Variants in ARHGEF5 observed in about 807,000 individuals in gnomAD.
ARHGEF5 encodes Rho guanine nucleotide exchange factor 5.
Under a neutral mutation model 104.0 loss-of-function variants are expected in ARHGEF5, and 11 were observed. That is an observed-to-expected ratio of 0.11 (90% CI 0.07 to 0.18). ARHGEF5 has a LOEUF of 0.18. Ranked by LOEUF, ARHGEF5 falls within the 10% of genes least tolerant of loss-of-function variation. ARHGEF5 has a pLI of 1.00. For synonymous variants in ARHGEF5, 60 were observed against 512.2 expected, an observed-to-expected ratio of 0.12 and a Z score of 11.92; for missense variants, 165 against 1,335.4, an observed-to-expected ratio of 0.12 and a Z score of 13.66.
In ARHGEF5 at chr7:144,360,271, C is replaced by T. The variant is rs1247568625; in HGVS notation, c.-12-2387C>T. Reference sequence around the variant, plus strand: ...AACTACAGGCACGTGCCACCATGCTCCACTAATTTTTGTATTTTTTGTGGA... The same window carrying T: ...AACTACAGGCACGTGCCACCATGCTTCACTAATTTTTGTATTTTTTGTGGA... On this transcript the variant is annotated intron_variant, in intron 1 of 14. Transcript: ENST00000056217. Among the ~76,000 whole-genome samples the T allele has an allele frequency of 1.7e-5, 2 of 115,696 alleles. 1 individual carries two copies. The highest frequency in any genetic ancestry group is 3.7e-5 in the Non-Finnish European group (2 of 54,654). 75.9% of individuals were successfully genotyped at this position (115,696 alleles called of 152,430 possible). A position where few individuals can be genotyped will look rare whatever the true frequency, so the allele number is the denominator to read the frequency against.
At chr7:144,358,921 C>T (rs1334869086) in intron 1 of ARHGEF5, among the ~76,000 whole-genome samples, 2 of 81,676 alleles carry the variant, frequency 2.4e-5, no homozygotes, top group Non-Finnish European at 4.7e-5. Context: ...ATTCTGGGGT[C>T]TTCTCTGGAC....
chr7:144,377,479 G>T (rs1394912326), intron 13 of ARHGEF5, among the ~76,000 whole-genome samples: 2 of 152,004 alleles, frequency 1.3e-5, no homozygotes, highest in African/African-American at 4.8e-5. Flanking sequence ...ATTTTGCCTA[G>T]ATTTTACCTG....
intron 12 of ARHGEF5, 106 bp from the exon 13 acceptor site, chr7:144,377,014 G>T (rs1170412964): frequency 1.8e-6 from 1 of 558,558 alleles, no homozygotes; most frequent in Non-Finnish European, 3.1e-6. Flanking sequence ...TTTGATAGAA[G>T]TCATGGAACT....
intron 6 of ARHGEF5, 126 bp downstream of exon 6, chr7:144,371,447 CT>C: frequency 2.7e-6 from 2 of 739,502 alleles, no homozygotes; most frequent in Non-Finnish European, 4.2e-6. Flanking sequence ...GAAATTGGGC[CT>C]CAGTTTCTTC....
intron 14 of ARHGEF5, 128 bp downstream of exon 14, chr7:144,378,994 A>T: frequency 1.1e-6 from 1 of 882,148 alleles, no homozygotes; most frequent in Non-Finnish European, 1.8e-6. Context: ...ACAGAAATGC[A>T]TTCTCTCACA....
chr7:144,380,135 G>A lies in ARHGEF5; in HGVS notation c.*79G>A. On this transcript the variant is annotated 3_prime_UTR_variant, in exon 15 of 15. Transcript: ENST00000056217. ...GCTGGCCCCAGAACCCTGCAAGAGA[G>A]GCCTTCTGTGGATGGAGAACTAGGC... 1 of 1,556,244 alleles carries A rather than the reference G, an allele frequency of 6.4e-7. No individual in the cohort carries two copies. Among genetic ancestry groups the A allele is most frequent in the Non-Finnish European group, 8.8e-7 (1 of 1,138,292 alleles).
chr7:144,377,292 A>C, intron 13 of ARHGEF5, 102 bp downstream of exon 13: 1 of 1,549,084 alleles, frequency 6.5e-7, no homozygotes, highest in East Asian at 2.3e-5. Flanking sequence ...GCTTTCATTT[A>C]TTGATATTCC....
intron 1 of ARHGEF5, among the ~76,000 whole-genome samples, chr7:144,360,224 C>G (rs1379697539): frequency 8.4e-6 from 1 of 119,516 alleles, no homozygotes; most frequent in African/African-American, 3.2e-5. Flanking sequence ...CCCTCTCCTG[C>G]CTCAGCCTCC....
Position 144,380,158 on chromosome 7 carries a change from G to T in ARHGEF5, c.*102G>T. ...GAGGCCTTCTGTGGATGGAGAACTA[G>T]GCCTTCTCAAAGCTCAAGGACAAAA... On this transcript the variant is annotated 3_prime_UTR_variant, in exon 15 of 15. Transcript: ENST00000056217. The T allele has an allele frequency of 6.9e-7, 1 of 1,458,912 alleles. No individual in the cohort carries two copies. The highest frequency in any genetic ancestry group is 9.4e-7 in the Non-Finnish European group (1 of 1,067,206). 90.4% of individuals were successfully genotyped at this position (1,458,912 alleles called of 1,614,324 possible).
intron 1 of ARHGEF5, among the ~76,000 whole-genome samples, chr7:144,357,821 GT>G (rs1404921053): frequency 7.8e-5 from 11 of 141,630 alleles, no homozygotes. Context: ...CGTGGGTGAG[GT>G]TATGTGGATG....
chr7:144,377,910 A>C (rs966193487), intron 13 of ARHGEF5, among the ~76,000 whole-genome samples: 67 of 152,284 alleles, frequency 4.4e-4, no homozygotes, highest in African/African-American at 1.5e-3. Context: ...GTGGGTGAGG[A>C]GGGCAGGAGC....
intron 14 of ARHGEF5, among the ~76,000 whole-genome samples, chr7:144,379,154 T>C (rs1050433329): frequency 6.6e-6 from 1 of 152,214 alleles, no homozygotes; most frequent in Non-Finnish European, 1.5e-5. Flanking sequence ...TCTGCCTCTG[T>C]CTTCCTGTGG....
chr7:144,373,205 A>G lies in ARHGEF5; in HGVS notation c.4061A>G (p.Asp1354Gly). ...AHHALEQLIR[D>G]CNNNVQSMRR... ...TCTCTGCACCCCTAGCTGATCCGGGACTGCAATAACAATGTCCAGAGTATG... is the reference window on the plus strand; with the variant it reads ...TCTCTGCACCCCTAGCTGATCCGGGGCTGCAATAACAATGTCCAGAGTATG... The change falls in exon 10 of 15, where the codon GAC (aspartate) becomes GGC (glycine). Residue 1354 changes from aspartate (D) to glycine (G), a missense_variant. Physicochemically the swap from Asp to Gly is moderately conservative, Grantham distance 94 (BLOSUM62 -1). Coordinates refer to ENST00000056217, the MANE Select transcript of ARHGEF5 (RefSeq NM_005435.4). 5 of 1,442,758 alleles carry G rather than the reference A, an allele frequency of 3.5e-6. 2 individuals are homozygous for G. Among genetic ancestry groups the G allele is most frequent in the Non-Finnish European group, 4.7e-6 (5 of 1,057,258 alleles). 89.4% of individuals were successfully genotyped at this position (1,442,758 alleles called of 1,614,324 possible).
chr7:144,357,732 G>A (rs1372603251), intron 1 of ARHGEF5, among the ~76,000 whole-genome samples: 545 of 151,478 alleles, frequency 3.6e-3, no homozygotes, highest in African/African-American at 0.013. Context: ...TGTTGGGGGG[G>A]GCTCTAGGGA....
intron 10 of ARHGEF5, among the ~76,000 whole-genome samples, chr7:144,374,045 T>C (rs2053742582): frequency 8.8e-6 from 1 of 114,066 alleles, no homozygotes. Context: ...TTTCACCATG[T>C]TGGCCAAGCT....
At chr7:144,357,811 C>A (rs1337201730) in intron 1 of ARHGEF5, among the ~76,000 whole-genome samples, 3 of 146,078 alleles carry the variant, frequency 2.1e-5, no homozygotes, top group Non-Finnish European at 4.6e-5. Flanking sequence ...AGAAGTCACA[C>A]GTGGGTGAGG....
At chr7:144,375,701 TG>T in intron 12 of ARHGEF5, 26 bp downstream of exon 12, 1 of 617,922 alleles carries the variant, frequency 1.6e-6, no homozygotes, top group East Asian at 2.8e-5. Flanking sequence ...GCAGAGGAGC[TG>T]GGGGTGGGGG....
intron 1 of ARHGEF5, among the ~76,000 whole-genome samples, chr7:144,359,340 TA>T (rs1442127917): frequency 1.4e-5 from 2 of 139,214 alleles, no homozygotes; most frequent in Non-Finnish European, 3.3e-5. Context: ...ACAATTGTCT[TA>T]AAACCAGCAA....
In ARHGEF5 at chr7:144,380,146, G is replaced by A. The variant is rs2053791005; in HGVS notation, c.*90G>A. On this transcript the variant is annotated 3_prime_UTR_variant, in exon 15 of 15. Coordinates refer to ENST00000056217, the MANE Select transcript of ARHGEF5 (RefSeq NM_005435.4). ...AACCCTGCAAGAGAGGCCTTCTGTG[G>A]ATGGAGAACTAGGCCTTCTCAAAGC... is the stretch of plus-strand genomic sequence containing the variant. The A allele has an allele frequency of 6.6e-7, 1 of 1,516,832 alleles. No individual in the cohort carries two copies. The highest frequency in any genetic ancestry group is 9.0e-7 in the Non-Finnish European group (1 of 1,107,166). 94.0% of individuals were successfully genotyped at this position (1,516,832 alleles called of 1,614,324 possible). A position where few individuals can be genotyped will look rare whatever the true frequency, so the allele number is the denominator to read the frequency against.
Sources: allele counts gnomAD v4.1 joint callset (sites outside exome capture counted in the v4.1 genomes callset), GRCh38; gene constraint gnomAD v4.1.1; transcripts MANE v1.5; gene names NCBI Gene and HGNC (gene_info 2026-07-23, HGNC 2026-07-21).